The following BIRC6 variants were observed in gnomAD, a reference collection of about 807,000 sequenced individuals.
The protein encoded by BIRC6 is baculoviral IAP repeat containing 6, also known as dual E2 ubiquitin-conjugating enzyme/E3 ubiquitin-protein ligase BIRC6.
Under a neutral mutation model 503.3 loss-of-function variants are expected in BIRC6, and 98 were observed. The observed-to-expected ratio is 0.19, with a 90% confidence interval of 0.17 to 0.23. BIRC6 has a LOEUF of 0.23. Among genes scored for constraint, BIRC6 ranks in the 10% least tolerant of loss-of-function variants. The probability of loss-of-function intolerance (pLI) is 1.00; values close to 1 mark genes in which losing one functional copy is unlikely to be tolerated. For synonymous variants in BIRC6, 2,240 were observed against 2,078.7 expected, an observed-to-expected ratio of 1.08 and a Z score of -2.11; for missense variants, 5,360 against 5,806.0, an observed-to-expected ratio of 0.92 and a Z score of 2.50.
At chr2:32,468,898 T>A in intron 29 of BIRC6, 115 bp downstream of exon 29, 2 of 784,476 alleles carry the variant, frequency 2.5e-6, no homozygotes, top group Non-Finnish European at 2.0e-6. Flanking sequence ...TTTTAAAAAA[T>A]GTCAGTATTT....
At chr2:32,403,962 C>A (rs903767134) in intron 8 of BIRC6, among the ~76,000 whole-genome samples, 1 of 149,040 alleles carries the variant, frequency 6.7e-6, no homozygotes, top group Non-Finnish European at 1.5e-5. Flanking sequence ...GAGTCTCACC[C>A]TGTCGCCCAG....
intron 65 of BIRC6, among the ~76,000 whole-genome samples, chr2:32,556,389 G>A (rs536654526): frequency 9.2e-5 from 14 of 152,254 alleles, no homozygotes; most frequent in Admixed American, 8.5e-4. Flanking sequence ...ACTACCCAGC[G>A]TAGTCCTTTC....
intron 42 of BIRC6, among the ~76,000 whole-genome samples, chr2:32,489,028 T>A (rs2051353473): frequency 6.6e-6 from 1 of 152,016 alleles, no homozygotes; most frequent in Non-Finnish European, 1.5e-5. Flanking sequence ...CAGTTTTTTA[T>A]TATTTTTTTT....
chr2:32,438,839 C>T (rs1428882510), intron 15 of BIRC6, among the ~76,000 whole-genome samples: 4 of 152,128 alleles, frequency 2.6e-5, no homozygotes, highest in East Asian at 1.9e-4. Context: ...GGATTACAGG[C>T]GTGAGCCACT....
intron 55 of BIRC6, among the ~76,000 whole-genome samples, chr2:32,517,810 G>T (rs2055219285): frequency 6.6e-6 from 1 of 151,932 alleles, no homozygotes; most frequent in African/African-American, 2.4e-5. Context: ...TGGAATTCCT[G>T]GGCTCAAATG....
At chr2:32,551,644 A>C (rs541862633) in intron 65 of BIRC6, among the ~76,000 whole-genome samples, 6 of 152,218 alleles carry the variant, frequency 3.9e-5, no homozygotes, top group African/African-American at 1.4e-4. Context: ...ACTTAGTAAA[A>C]TTTCTATTTT....
intron 21 of BIRC6, 139 bp from the exon 22 acceptor site, chr2:32,448,656 G>A (rs2046354549): frequency 1.7e-6 from 1 of 582,408 alleles, no homozygotes; most frequent in East Asian, 3.0e-5. Flanking sequence ...GGACCGTGGA[G>A]AGGGGAGAGG....
rs148307692 is a variant in BIRC6, at chr2:32,530,718, A to C, written c.12095-637A>C. Among the ~76,000 whole-genome samples, 11 of 152,256 alleles carry C rather than the reference A, an allele frequency of 7.2e-5. No individual in the cohort carries two copies. In the East Asian group the frequency reaches 2.1e-3, roughly 29 times the overall value. ...TCCATCTTTCTCATGACTAAAATTCAGTCTTTAGTTATTGGTCTTTTGTAT... is the reference window on the plus strand; with the variant it reads ...TCCATCTTTCTCATGACTAAAATTCCGTCTTTAGTTATTGGTCTTTTGTAT... On this transcript the variant is annotated intron_variant, in intron 60 of 73. Coordinates refer to ENST00000421745, the MANE Select transcript of BIRC6 (RefSeq NM_016252.4).
chr2:32,566,405 T>C (rs373713143), intron 65 of BIRC6: 46 of 152,296 alleles, frequency 3.0e-4, no homozygotes, highest in African/African-American at 1.1e-3. Flanking sequence ...AGGCTTGGAG[T>C]ACAGTGGTGT....
At chr2:32,598,094 C>A in intron 69 of BIRC6, 126 bp downstream of exon 69, 4 of 906,268 alleles carry the variant, frequency 4.4e-6, no homozygotes, top group East Asian at 2.7e-5. Context: ...TTTTGGTGAC[C>A]ATTTTTAGAC....
At chr2:32,503,820 G>T (rs573762107) in intron 49 of BIRC6, among the ~76,000 whole-genome samples, 1 of 152,098 alleles carries the variant, frequency 6.6e-6, no homozygotes, top group Non-Finnish European at 1.5e-5. Context: ...AGATTCTTCC[G>T]TAAGTTTTCT....
At chr2:32,603,759 A>G (rs536735305) in intron 71 of BIRC6, among the ~76,000 whole-genome samples, 16 of 152,196 alleles carry the variant, frequency 1.1e-4, no homozygotes, top group Middle Eastern at 6.8e-3. Flanking sequence ...CGAAAGGGAC[A>G]GTAAATTTGG....
At chr2:32,500,606 G>GTTT (rs758919928) in intron 46 of BIRC6, among the ~76,000 whole-genome samples, 18 of 118,286 alleles carry the variant, frequency 1.5e-4, no homozygotes, top group East Asian at 2.4e-4. Flanking sequence ...TTTTGTTTTT[G>GTTT]TTTTTTTTTT....
At chr2:32,407,459 A>G (rs1407012195) in intron 9 of BIRC6, among the ~76,000 whole-genome samples, 3 of 151,552 alleles carry the variant, frequency 2.0e-5, no homozygotes, top group Non-Finnish European at 2.9e-5. Context: ...AAAAAAAAAA[A>G]AAAAAAAAGA....
chr2:32,475,539 A>G (rs1229994721), intron 33 of BIRC6, among the ~76,000 whole-genome samples: 1 of 152,234 alleles, frequency 6.6e-6, no homozygotes, highest in Non-Finnish European at 1.5e-5. Flanking sequence ...GAACTAACAC[A>G]TGTAGAAGTG....
chr2:32,545,945 C>A (rs1405452945), intron 63 of BIRC6, 85 bp downstream of exon 63: 27 of 1,187,572 alleles, frequency 2.3e-5, no homozygotes, highest in South Asian at 1.4e-5. Flanking sequence ...CTGAATTAAT[C>A]TTTCAGAGAC....
rs3769596 is a variant in BIRC6, at chr2:32,583,034, T to A, written c.13355+7668T>A. On this transcript the variant is annotated intron_variant, in intron 66 of 73. Transcript: ENST00000421745. ...TCAATTACACCTTAATACTAAGTGA[T>A]TAATCTCTTACAGTTTGGTGCATGA... 4.9e-4 allele frequency among the ~76,000 whole-genome samples: 74 copies of A among 152,350 alleles called. No homozygotes were observed. In the East Asian group the frequency reaches 0.012, roughly 25 times the overall value.
chr2:32,614,174 T>G (rs2063082149), intron 73 of BIRC6, among the ~76,000 whole-genome samples: 1 of 152,182 alleles, frequency 6.6e-6, no homozygotes, highest in South Asian at 2.1e-4. Context: ...CCAGCACCCC[T>G]GGTCAGTACT....
rs145710636 is a variant in BIRC6, at chr2:32,505,205, A to T, written c.9700A>T (p.Thr3234Ser). 3.9e-6 allele frequency: 6 copies of T among 1,553,362 alleles called. No individual in the cohort carries two copies. The highest frequency in any genetic ancestry group is 4.4e-6 in the Non-Finnish European group (5 of 1,145,024). ...HIQPHLASLA[T>S]CPSSVSVEVS... is the part of the protein sequence containing the mutation. Reference sequence around the variant, plus strand: ...CCAGCCTCATCTTGCATCTCTTGCAAGTGAGTAATATTTTATAAAGAAGCA... The same window carrying T: ...CCAGCCTCATCTTGCATCTCTTGCATGTGAGTAATATTTTATAAAGAAGCA... Residue 3234 changes from threonine (T) to serine (S), a missense_variant and splice_region_variant, in exon 50 of 74, where the codon ACC (threonine) becomes TCC (serine). Thr to Ser is a moderately conservative substitution (Grantham distance 58). This residue lies in a region of BIRC6 where 267 missense variants were observed against 287.6 expected (regional missense o/e 0.93). Transcript: ENST00000421745.
Sources: gnomAD v4.1 joint callset for allele counts (sites outside exome capture counted in the v4.1 genomes callset) on GRCh38, gnomAD v4.1.1 for gene constraint, gnomAD v4.1.1 regional missense constraint, MANE v1.5 for transcripts, NCBI Gene and HGNC (gene_info 2026-07-23, HGNC 2026-07-21) for gene names.